GABBR1: variants seen among roughly 807,000 people sequenced by gnomAD.
GABBR1 encodes the protein gamma-aminobutyric acid type B receptor subunit 1, also known as GABA-B receptor, R1 subunit.
A neutral mutation model predicts 117.7 loss-of-function variants in GABBR1; 35 were observed. The observed-to-expected ratio is 0.30, with a 90% CI of 0.23 to 0.39. The LOEUF is 0.39. GABBR1 is among the 10% of genes least tolerant of loss of function. GABBR1 has a pLI of 1.00. For synonymous variants in GABBR1, 442 were observed against 486.6 expected (o/e 0.91, Z 1.21); for missense variants, 709 against 1,241.8 (o/e 0.57, Z 6.45).
Position 29,605,303 on chromosome 6 carries a change from G to A in GABBR1, c.2439+266C>T, listed in dbSNP as rs1315992991. ...AGTCCAGCCCATTAACCACAGACAA[G>A]CAATTTAACGTCTCTGTGTTTCTGT... On this transcript the variant is annotated intron_variant, in intron 20 of 22. Transcript: ENST00000377034. This position sits in a 1 kb window ranked among gnomAD's most constrained non-coding sequence, Gnocchi z 4.2. 3 of 563,180 alleles carry A rather than the reference G, an allele frequency of 5.3e-6. No homozygotes were observed. The highest frequency in any genetic ancestry group is 3.7e-5 in the African/African-American group (2 of 53,358). 34.9% of individuals were successfully genotyped at this position (563,180 alleles called of 1,614,324 possible).
At chr6:29,612,755 A>G (rs543633061) in intron 12 of GABBR1, 141 bp from the exon 13 acceptor site, 3 of 748,078 alleles carry the variant, frequency 4.0e-6, no homozygotes, top group Non-Finnish European at 7.1e-6. Flanking sequence ...GCCTGCATAT[A>G]GGACATACCC....
At position 29,621,993 on chromosome 6, in the gene GABBR1, A is replaced by T; in HGVS notation, c.1065+111T>A. On this transcript the variant is annotated intron_variant, in intron 9 of 22. Coordinates refer to ENST00000377034, the MANE Select transcript of GABBR1 (RefSeq NM_001470.4). This position sits in a 1 kb window ranked among gnomAD's most constrained non-coding sequence, Gnocchi z 5.0. ...GAGCTAAACTTCCCCAGGAGATGCT[A>T]TTGCCTCAGAGAATCAAAACCTGCC... The T allele has an allele frequency of 9.3e-7, 1 of 1,076,628 alleles. No homozygotes were observed. Among genetic ancestry groups the T allele is most frequent in the Non-Finnish European group, 1.4e-6 (1 of 712,036 alleles). The allele number at this position is 1,076,628 out of a possible 1,614,324, so 66.7% of individuals were successfully genotyped here.
rs1295391445 is a variant in GABBR1 at position 29,605,196 on chromosome 6, C to T, written c.2440-208G>A. 6.4e-5 allele frequency: 39 copies of T among 607,374 alleles called. No individual in the cohort carries two copies. In the East Asian group the frequency reaches 1.1e-3, roughly 17 times the overall value. The allele number at this position is 607,374 out of a possible 1,614,324, so 37.6% of individuals were successfully genotyped here. On this transcript the variant is annotated intron_variant, in intron 20 of 22. Coordinates refer to ENST00000377034, the MANE Select transcript of GABBR1 (RefSeq NM_001470.4). The surrounding 1 kb of genome is among the most constrained non-coding windows in gnomAD (Gnocchi z 4.2). Reference sequence around the variant, plus strand: ...AGTTTTCACTCTTGGTTAACCCCTCCCCTCAAGGCAGGAACTCCCAGGATC... The same window carrying T: ...AGTTTTCACTCTTGGTTAACCCCTCTCCTCAAGGCAGGAACTCCCAGGATC...
At chr6:29,624,770 A>G (rs1479720433) in intron 6 of GABBR1, among the ~76,000 whole-genome samples, 1 of 152,042 alleles carries the variant, frequency 6.6e-6, no homozygotes, top group Non-Finnish European at 1.5e-5. Context: ...GAAAGTAAAC[A>G]AGCAGAAAGC....
Position 29,631,299 on chromosome 6 carries a change from A to T in GABBR1, c.289+97T>A. On this transcript the variant is annotated intron_variant, in intron 3 of 22. Transcript: ENST00000377034. This position sits in a 1 kb window ranked among gnomAD's most constrained non-coding sequence, Gnocchi z 5.9. Reference sequence around the variant, plus strand: ...TAAATGTATTTGTGAATTTTGGTATACTGGATTTAAAGTGCTGACTTGCAA... The same window carrying T: ...TAAATGTATTTGTGAATTTTGGTATTCTGGATTTAAAGTGCTGACTTGCAA... 8.2e-7 allele frequency: 1 copy of T among 1,215,754 alleles called. No homozygotes were observed. The highest frequency in any genetic ancestry group is 1.2e-6 in the Non-Finnish European group (1 of 841,190). 75.3% of individuals were successfully genotyped at this position (1,215,754 alleles called of 1,614,324 possible).
Position 29,614,488 on chromosome 6 carries a change from T to G in GABBR1, c.1324-1003A>C, listed in dbSNP as rs553734959. Among the ~76,000 whole-genome samples the G allele has an allele frequency of 8.5e-4, 129 of 152,338 alleles. 1 individual carries two copies. The highest frequency in any genetic ancestry group is 2.9e-3 in the African/African-American group (122 of 41,580). On this transcript the variant is annotated intron_variant, in intron 11 of 22. Transcript: ENST00000377034. ...GTTCCTCATGCCTTGCTCACTTTTC[T>G]CTCCAACTTTCTAGAGAGATAGAGG...
At chr6:29,612,493 TC>T in intron 13 of GABBR1, 57 bp downstream of exon 13, 1 of 1,485,106 alleles carries the variant, frequency 6.7e-7, no homozygotes, top group Non-Finnish European at 9.4e-7. Flanking sequence ...CCAGGGGGCA[TC>T]CCAGCCCAGC....
At chr6:29,617,007 A>T (rs1472368630) in intron 11 of GABBR1, among the ~76,000 whole-genome samples, 6 of 147,340 alleles carry the variant, frequency 4.1e-5, no homozygotes, top group Non-Finnish European at 9.0e-5. Flanking sequence ...AAAAAAAAAA[A>T]GTCTGTTGGA....
rs951876292 is a variant in GABBR1 at position 29,633,176 on chromosome 6, G to T, written c.-327C>A. 2 of 152,462 alleles carry T rather than the reference G, an allele frequency of 1.3e-5. No homozygotes were observed. The highest frequency in any genetic ancestry group is 2.4e-5 in the African/African-American group (1 of 41,444). The allele number at this position is 152,462 out of a possible 1,614,324, so 9.4% of individuals were successfully genotyped here. On this transcript the variant is annotated 5_prime_UTR_variant, in exon 1 of 23. Transcript: ENST00000377034. The surrounding 1 kb of genome is among the most constrained non-coding windows in gnomAD (Gnocchi z 4.4). ...GGTGCAAGGGAAGGCAGGGCGGGGG[G>T]AAGAGAGGGGAAGACCGGGGAGAGG...
At chr6:29,614,981 C>CAAAAAAAAAA (rs202165362) in intron 11 of GABBR1, among the ~76,000 whole-genome samples, 7 of 81,176 alleles carry the variant, frequency 8.6e-5, no homozygotes, top group Admixed American at 1.5e-4. Context: ...TAAAACTGCT[C>CAAAAAAAAAA]AAAAAAAAAA....
chr6:29,632,203 TG>T lies in GABBR1; in HGVS notation c.85+97del. On this transcript the variant is annotated intron_variant, in intron 2 of 22. Transcript: ENST00000377034. The surrounding 1 kb of genome is among the most constrained non-coding windows in gnomAD (Gnocchi z 5.8). ...GGGGTTGCCAGACCGGGATGATATG[TG>T]GGACTGATGGGATAGTGATGAGGAC... 1.4e-6 allele frequency: 1 copy of T among 720,598 alleles called. No homozygotes were observed. Among genetic ancestry groups the T allele is most frequent in the Non-Finnish European group, 2.1e-6 (1 of 473,640 alleles). 44.6% of individuals were successfully genotyped at this position (720,598 alleles called of 1,614,324 possible). A position where few individuals can be genotyped will look rare whatever the true frequency, so the allele number is the denominator to read the frequency against.
Position 29,631,081 on chromosome 6 carries a change from C to A in GABBR1, c.289+315G>T, listed in dbSNP as rs117990371. On this transcript the variant is annotated intron_variant, in intron 3 of 22. Coordinates refer to ENST00000377034, the MANE Select transcript of GABBR1 (RefSeq NM_001470.4). The surrounding 1 kb of genome is among the most constrained non-coding windows in gnomAD (Gnocchi z 5.9). ...GAGGTATTCAAAAATGTGATGAAAT[C>A]ATTTTAGAATTTTTTTGTCATCATC... Among the ~76,000 whole-genome samples, 623 of 152,226 alleles carry A rather than the reference C, an allele frequency of 4.1e-3. 7 individuals carry two copies. Among genetic ancestry groups the A allele is most frequent in the East Asian group, 0.029 (149 of 5,180 alleles).
Position 29,605,855 on chromosome 6 carries a change from A to G in GABBR1, c.2312-159T>C, listed in dbSNP as rs955239688. On this transcript the variant is annotated intron_variant, in intron 19 of 22. Coordinates refer to ENST00000377034, the MANE Select transcript of GABBR1 (RefSeq NM_001470.4). The surrounding 1 kb of genome is among the most constrained non-coding windows in gnomAD (Gnocchi z 4.2). ...TAGCAAACCTCACCCTGTGTCCCCT[A>G]TCCCTTATGTCCACCCAACTTGCCC... 7.6e-6 allele frequency: 6 copies of G among 789,176 alleles called. No individual in the cohort carries two copies. The highest frequency in any genetic ancestry group is 5.2e-5 in the African/African-American group (3 of 57,494). The allele number at this position is 789,176 out of a possible 1,614,324, so 48.9% of individuals were successfully genotyped here.
chr6:29,613,600 TTGTCAGATTGGACACA>T lies in GABBR1; in HGVS notation c.1324-131_1324-116del. 2.3e-6 allele frequency: 3 copies of T among 1,303,964 alleles called. No individual in the cohort carries two copies. The highest frequency in any genetic ancestry group is 3.2e-6 in the Non-Finnish European group (3 of 940,480). The allele number at this position is 1,303,964 out of a possible 1,614,324, so 80.8% of individuals were successfully genotyped here. A position where few individuals can be genotyped will look rare whatever the true frequency, so the allele number is the denominator to read the frequency against. ...CTTGAATGGATGGTTTGTGTTACTGTTGTCAGATTGGACACATGTACATTCAAAATCTTTAACTATA... is the reference window on the plus strand; with the variant it reads ...CTTGAATGGATGGTTTGTGTTACTGTTGTACATTCAAAATCTTTAACTATA... On this transcript the variant is annotated intron_variant, in intron 11 of 22. Coordinates refer to ENST00000377034, the MANE Select transcript of GABBR1 (RefSeq NM_001470.4). The surrounding 1 kb of genome is among the most constrained non-coding windows in gnomAD (Gnocchi z 4.1).
At chr6:29,624,413 T>C (rs1250021089) in intron 6 of GABBR1, among the ~76,000 whole-genome samples, 1 of 152,118 alleles carries the variant, frequency 6.6e-6, no homozygotes, top group East Asian at 1.9e-4. Flanking sequence ...TACGGTAAAC[T>C]CTTTCCACAT....
chr6:29,611,594 C>T lies in GABBR1; in HGVS notation c.1631-593G>A, dbSNP rs180756718. Among the ~76,000 whole-genome samples, 225 of 152,284 alleles carry T rather than the reference C, an allele frequency of 1.5e-3. No homozygotes were observed. The highest frequency in any genetic ancestry group is 4.6e-3 in the African/African-American group (191 of 41,548). ...TTTCACCATGGCTGAAGTCCATTTC[C>T]TCTTGTCCTGGATACAAAGAGGAGC... On this transcript the variant is annotated intron_variant, in intron 13 of 22. Coordinates refer to ENST00000377034, the MANE Select transcript of GABBR1 (RefSeq NM_001470.4). This position sits in a 1 kb window ranked among gnomAD's most constrained non-coding sequence, Gnocchi z 4.6.
chr6:29,604,481 C>T lies in GABBR1; in HGVS notation c.2712+13G>A, dbSNP rs1761742467. 1.2e-6 allele frequency: 2 copies of T among 1,613,170 alleles called. No homozygotes were observed. Among genetic ancestry groups the T allele is most frequent in the African/African-American group, 2.7e-5 (2 of 74,908 alleles). ...ACCACTCCAACACCCTACCCTGACA[C>T]CCACCCCCGCACCTCAGCAATGATC... is the stretch of plus-strand genomic sequence containing the variant. On this transcript the variant is annotated intron_variant, in intron 22 of 22. Transcript: ENST00000377034. The surrounding 1 kb of genome is among the most constrained non-coding windows in gnomAD (Gnocchi z 5.3).
Position 29,631,438 on chromosome 6 carries a change from C to G in GABBR1, c.247G>C (p.Ala83Pro), listed in dbSNP as rs1259721476. Residue 83 changes from alanine to proline, a missense_variant, in exon 3 of 23, where the codon GCC becomes CCC. Physicochemically the swap from Ala to Pro is conservative, Grantham distance 27 (BLOSUM62 -1). Coordinates refer to ENST00000377034, the MANE Select transcript of GABBR1 (RefSeq NM_001470.4). The surrounding 1 kb of genome is among the most constrained non-coding windows in gnomAD (Gnocchi z 5.9). The part of the protein sequence containing the change: ...VVGPKVRKCL[A>P]NGSWTDMDTP... ...TCCATATCTGTCCAGGAGCCGTTGG[C>G]CAGGCACTTGCGGACCTTGGGCCCC... is the stretch of plus-strand genomic sequence containing the variant. 4 of 1,614,016 alleles carry G rather than the reference C, an allele frequency of 2.5e-6. No individual in the cohort carries two copies. The highest frequency in any genetic ancestry group is 3.4e-6 in the Non-Finnish European group (4 of 1,180,050).
rs1466577280 is a variant in GABBR1, at chr6:29,632,423, CGCCGGCGCGGCCCG to C, written c.1-52_1-39del. Reference sequence around the variant, plus strand: ...CGGCCATGAGGACTGGACCGAGCCCCGCCGGCGCGGCCCGCACCCGGAGACTACTCGACCTCTTG... The same window carrying C: ...CGGCCATGAGGACTGGACCGAGCCCCCACCCGGAGACTACTCGACCTCTTG... On this transcript the variant is annotated intron_variant, in intron 1 of 22. Transcript: ENST00000377034. The surrounding 1 kb of genome is among the most constrained non-coding windows in gnomAD (Gnocchi z 5.8). 49 of 1,325,698 alleles carry C rather than the reference CGCCGGCGCGGCCCG, an allele frequency of 3.7e-5. 1 individual carries two copies. The Admixed American group carries it at 1.7e-3, about 46-fold the overall frequency. The allele number at this position is 1,325,698 out of a possible 1,614,324, so 82.1% of individuals were successfully genotyped here.
Sources: gnomAD v4.1 joint callset for allele counts (sites outside exome capture counted in the v4.1 genomes callset) on GRCh38, gnomAD v4.1.1 for gene constraint, Gnocchi (gnomAD v3.1) non-coding constraint, MANE v1.5 for transcripts, NCBI Gene and HGNC (gene_info 2026-07-23, HGNC 2026-07-21) for gene names.